The following ACTR3C variants were observed in gnomAD, a reference collection of about 807,000 sequenced individuals.
ACTR3C encodes actin related protein 3C.
In ACTR3C, 18 loss-of-function variants were observed where a neutral mutation model predicts 26.3. The ratio of observed to expected loss-of-function variants is 0.68; its 90% CI spans 0.47 to 1.01. ACTR3C has a LOEUF of 1.01. Among genes scored for constraint, ACTR3C ranks in the 50% least tolerant of loss-of-function variants. The probability of loss-of-function intolerance (pLI) is 0.00; values close to 1 mark genes in which losing one functional copy is unlikely to be tolerated. For missense variants in ACTR3C, 184 were observed against 250.7 expected, an observed-to-expected ratio of 0.73 and a Z score of 1.80; for synonymous variants, 55 against 94.5, an observed-to-expected ratio of 0.58 and a Z score of 2.42.
At chr7:150,198,602 G>A in the ACTR3C span, among the ~76,000 whole-genome samples, 1 of 149,402 alleles carries the variant, frequency 6.7e-6, no homozygotes, top group Non-Finnish European at 1.5e-5. Flanking sequence ...GAGATCCTCC[G>A]CCCGGCAGCC....
At chr7:149,939,842 A>T in the ACTR3C span, among the ~76,000 whole-genome samples, 1 of 147,398 alleles carries the variant, frequency 6.8e-6, no homozygotes, top group African/African-American at 2.5e-5. Context: ...ACCTTAAGCA[A>T]ATCTTCCATT....
chr7:150,036,869 G>T, the ACTR3C span, among the ~76,000 whole-genome samples: 9 of 128,978 alleles, frequency 7.0e-5, 1 homozygote, highest in South Asian at 2.3e-4. Context: ...AGCCAGGGGG[G>T]GATGAGGGTC....
chr7:150,105,614 G>T, the ACTR3C span, among the ~76,000 whole-genome samples: 1 of 151,998 alleles, frequency 6.6e-6, no homozygotes, highest in Non-Finnish European at 1.5e-5. Flanking sequence ...GAGATTTGTT[G>T]TTTTCTGATT....
At chr7:149,962,003 C>A in the ACTR3C span, among the ~76,000 whole-genome samples, 1 of 152,164 alleles carries the variant, frequency 6.6e-6, no homozygotes, top group Admixed American at 6.5e-5. Flanking sequence ...GAAGGGTGTG[C>A]TCACCGGAAG....
the ACTR3C span, among the ~76,000 whole-genome samples, chr7:150,169,730 C>T: frequency 6.6e-6 from 1 of 150,798 alleles, no homozygotes; most frequent in African/African-American, 2.5e-5. Context: ...TATTATTCTT[C>T]CTATTTTTGA....
chr7:150,063,423 A>G, the ACTR3C span, among the ~76,000 whole-genome samples: 1 of 151,364 alleles, frequency 6.6e-6, no homozygotes, highest in East Asian at 1.9e-4. Context: ...GTAAGTTCAT[A>G]GAATATAAAC....
At chr7:149,977,246 A>C in the ACTR3C span, among the ~76,000 whole-genome samples, 1 of 152,290 alleles carries the variant, frequency 6.6e-6, no homozygotes, top group South Asian at 2.1e-4. Flanking sequence ...CCACCTGCAA[A>C]GTTCCAGAGA....
At chr7:149,982,229 T>C in the ACTR3C span, among the ~76,000 whole-genome samples, 2 of 152,112 alleles carry the variant, frequency 1.3e-5, no homozygotes, top group East Asian at 3.9e-4. Context: ...AGTTGAGCAA[T>C]GGAGTTGGAT....
At chr7:150,252,161 T>G (rs1832901646) in intron 6 of ACTR3C, among the ~76,000 whole-genome samples, 2 of 152,122 alleles carry the variant, frequency 1.3e-5, no homozygotes, top group Admixed American at 1.3e-4. Context: ...TGTGTGTGTG[T>G]GTGTGTGCAA....
chr7:150,315,981 T>G (rs1796841470), intron 1 of ACTR3C, among the ~76,000 whole-genome samples: 1 of 152,178 alleles, frequency 6.6e-6, no homozygotes, highest in Non-Finnish European at 1.5e-5. Flanking sequence ...GTGGATCACC[T>G]GAGGTCAGGA....
At chr7:150,009,507 A>C in the ACTR3C span, among the ~76,000 whole-genome samples, 3 of 152,344 alleles carry the variant, frequency 2.0e-5, no homozygotes, top group South Asian at 6.2e-4. Context: ...TCTGTATTTA[A>C]TAATCCCCAA....
chr7:150,314,018 A>G (rs539420474), intron 1 of ACTR3C, among the ~76,000 whole-genome samples: 5 of 152,364 alleles, frequency 3.3e-5, no homozygotes, highest in South Asian at 2.1e-4. Context: ...TGGCAAGCAC[A>G]GTACTGGACC....
intron 6 of ACTR3C, among the ~76,000 whole-genome samples, chr7:150,278,415 C>T (rs894404718): frequency 3.3e-5 from 5 of 152,266 alleles, no homozygotes; most frequent in African/African-American, 7.2e-5. Context: ...ACTGCCATCA[C>T]CACTGAGCAC....
At chr7:150,157,025 T>C in the ACTR3C span, among the ~76,000 whole-genome samples, 12 of 149,972 alleles carry the variant, frequency 8.0e-5, no homozygotes, top group Middle Eastern at 3.4e-3. Context: ...TGCTGTGAAA[T>C]GATGGTGATA....
the ACTR3C span, among the ~76,000 whole-genome samples, chr7:149,905,566 T>A: frequency 6.6e-6 from 1 of 151,014 alleles, no homozygotes; most frequent in Non-Finnish European, 1.5e-5. Context: ...AGATAATTTT[T>A]AAAAATGTCA....
the ACTR3C span, among the ~76,000 whole-genome samples, chr7:150,077,805 G>A: frequency 6.6e-6 from 1 of 152,194 alleles, no homozygotes; most frequent in Admixed American, 6.5e-5. Flanking sequence ...TCTCATCCTA[G>A]TGCAAAGACC....
the ACTR3C span, among the ~76,000 whole-genome samples, chr7:150,198,820 C>T: frequency 0.025 from 3,615 of 145,618 alleles, 69 homozygotes; most frequent in Middle Eastern, 0.051. Flanking sequence ...GTCAGCCCCC[C>T]GCCCGGCCAG....
the ACTR3C span, among the ~76,000 whole-genome samples, chr7:150,165,174 A>G: frequency 6.6e-6 from 1 of 152,200 alleles, no homozygotes; most frequent in African/African-American, 2.4e-5. Context: ...TATTGCCACC[A>G]CACAACCATC....
chr7:149,888,674 G>C, the ACTR3C span, among the ~76,000 whole-genome samples: 1 of 152,186 alleles, frequency 6.6e-6, no homozygotes, highest in African/African-American at 2.4e-5. Context: ...AGTGGGGAGA[G>C]AGGGCAAGAT....
Sources: allele counts gnomAD v4.1 joint callset (sites outside exome capture counted in the v4.1 genomes callset), GRCh38; gene constraint gnomAD v4.1.1; transcripts MANE v1.5; gene names NCBI Gene and HGNC (gene_info 2026-07-23, HGNC 2026-07-21).